ABCA6: variants seen among roughly 807,000 people sequenced by gnomAD.
ABCA6 encodes ATP binding cassette subfamily A member 6.
ABCA6 carries 164 observed loss-of-function variants against 191.2 expected under a neutral mutation model. That is an observed-to-expected ratio of 0.86 (90% CI 0.76 to 0.98). The LOEUF is 0.98. ABCA6 is among the 50% of genes least tolerant of loss of function. The probability of loss-of-function intolerance (pLI) is 0.00; values close to 1 mark genes in which losing one functional copy is unlikely to be tolerated. For missense variants in ABCA6, 1,958 were observed against 1,894.1 expected, an observed-to-expected ratio of 1.03 and a Z score of -0.63; for synonymous variants, 636 against 647.7, an observed-to-expected ratio of 0.98 and a Z score of 0.27.
chr17:69,139,337 CA>C (rs965494254), intron 2 of ABCA6, among the ~76,000 whole-genome samples: 18 of 152,078 alleles, frequency 1.2e-4, no homozygotes, highest in Admixed American at 6.5e-5. Context: ...CCAAAAGACA[CA>C]TGAAAAAATG....
intron 1 of ABCA6, 85 bp from the exon 2 acceptor site, chr17:69,140,833 A>C: frequency 2.2e-6 from 1 of 447,832 alleles, no homozygotes; most frequent in Middle Eastern, 5.8e-4. Context: ...GTAAACATGA[A>C]TTTAAAATAT....
intron 34 of ABCA6, 146 bp from the exon 35 acceptor site, chr17:69,083,477 A>G (rs770149576): frequency 2.8e-6 from 2 of 720,588 alleles, no homozygotes; most frequent in Non-Finnish European, 4.0e-6. Flanking sequence ...GATAACATAA[A>G]TAACATTTTT....
chr17:69,115,628 T>A, intron 11 of ABCA6, 142 bp from the exon 12 acceptor site: 3 of 505,624 alleles, frequency 5.9e-6, no homozygotes, highest in Non-Finnish European at 1.0e-5. Flanking sequence ...TACACAATGA[T>A]CAATATTTTC....
chr17:69,092,801 T>C (rs2886048), intron 25 of ABCA6, among the ~76,000 whole-genome samples: 120,158 of 152,180 alleles, frequency 0.79, 50,783 homozygotes, highest in Non-Finnish European at 0.94. Flanking sequence ...CATATGATCC[T>C]GTGAGGAGTA....
Position 69,112,272 on chromosome 17 carries a change from A to T in ABCA6, c.2043T>A (p.Asp681Glu), listed in dbSNP as rs1190128757. ...QSMDEADILADRKVIMSNGRL... is the reference protein window; with the variant it reads ...QSMDEADILAERKVIMSNGRL... ...TCCCATTGGACATGATCACTTTTCT[A>T]TCTGAATGAAAGAAATCAAGGGAGA... is the stretch of plus-strand genomic sequence containing the variant. Residue 681 changes from aspartate to glutamate, a missense_variant and splice_region_variant, in exon 16 of 39, where the codon GAT (aspartate) becomes GAA (glutamate). Asp to Glu is a conservative substitution (Grantham distance 45). Coordinates refer to ENST00000284425, the MANE Select transcript of ABCA6 (RefSeq NM_080284.3). 6.2e-6 allele frequency: 10 copies of T among 1,607,458 alleles called. No homozygotes were observed. The highest frequency in any genetic ancestry group is 7.7e-6 in the Non-Finnish European group (9 of 1,174,874).
chr17:69,092,229 C>T (rs567270665), intron 25 of ABCA6, among the ~76,000 whole-genome samples: 3 of 152,232 alleles, frequency 2.0e-5, no homozygotes, highest in East Asian at 1.9e-4. Context: ...TATTAATGTA[C>T]TGATTATAAT....
Position 69,124,881 on chromosome 17 carries a change from T to A in ABCA6, c.1267+7A>T. On this transcript the variant is annotated splice_region_variant and intron_variant, in intron 9 of 38. Coordinates refer to ENST00000284425, the MANE Select transcript of ABCA6 (RefSeq NM_080284.3). Reference sequence around the variant, plus strand: ...TAGAGGACAGAGAAAAACTCACTATTACTTACAGGGTAAAATTTTGTCAAA... The same window carrying A: ...TAGAGGACAGAGAAAAACTCACTATAACTTACAGGGTAAAATTTTGTCAAA... 1.9e-6 allele frequency: 3 copies of A among 1,540,988 alleles called. No homozygotes were observed. The highest frequency in any genetic ancestry group is 2.6e-6 in the Non-Finnish European group (3 of 1,140,436).
intron 28 of ABCA6, 108 bp from the exon 29 acceptor site, chr17:69,087,581 GTGA>G: frequency 7.4e-7 from 1 of 1,358,154 alleles, no homozygotes; most frequent in Non-Finnish European, 1.0e-6. Context: ...TAATGTGCAG[GTGA>G]TGATGTGATG....
intron 6 of ABCA6, among the ~76,000 whole-genome samples, chr17:69,130,360 C>T (rs1420943706): frequency 6.6e-6 from 1 of 151,594 alleles, no homozygotes; most frequent in African/African-American, 2.4e-5. Context: ...TGACTGTAAG[C>T]ACAGCTGGGC....
chr17:69,110,942 T>C lies in ABCA6; in HGVS notation c.2133-2A>G, dbSNP rs773957149. ...TTACATATTTCATTCCTATGTAAACTAATATTTAAAAGAAAAGATAAGTCA... is the reference window on the plus strand; with the variant it reads ...TTACATATTTCATTCCTATGTAAACCAATATTTAAAAGAAAAGATAAGTCA... On this transcript the variant is annotated splice_acceptor_variant, in intron 16 of 38. Transcript: ENST00000284425. LOFTEE classifies it high-confidence loss of function. The C allele has an allele frequency of 1.0e-5, 16 of 1,583,018 alleles. No individual in the cohort carries two copies. The highest frequency in any genetic ancestry group is 1.0e-5 in the Non-Finnish European group (12 of 1,168,900).
At chr17:69,135,455 C>T (rs2073933337) in intron 4 of ABCA6, 1 of 152,536 alleles carries the variant, frequency 6.6e-6, no homozygotes, top group Non-Finnish European at 1.5e-5. Context: ...GACTCAGTGG[C>T]TATTCCTTGC....
Position 69,106,008 on chromosome 17 carries a change from C to T in ABCA6, c.2573+20G>A. The T allele has an allele frequency of 1.3e-5, 20 of 1,569,748 alleles. No homozygotes were observed. The highest frequency in any genetic ancestry group is 1.7e-5 in the Non-Finnish European group (20 of 1,159,454). On this transcript the variant is annotated intron_variant, in intron 19 of 38. Coordinates refer to ENST00000284425, the MANE Select transcript of ABCA6 (RefSeq NM_080284.3). ...TTTGAAATTCATGATCTAACAAAACCACAGTACTCTCCTACTCACAGGGTC... is the reference window on the plus strand; with the variant it reads ...TTTGAAATTCATGATCTAACAAAACTACAGTACTCTCCTACTCACAGGGTC...
At chr17:69,082,727 T>C in intron 36 of ABCA6, 146 bp downstream of exon 36, 6 of 1,254,394 alleles carry the variant, frequency 4.8e-6, no homozygotes, top group Non-Finnish European at 6.6e-6. Flanking sequence ...CAATCTCTTA[T>C]AATCTGGAAT....
chr17:69,108,715 T>C (rs2073356870), intron 17 of ABCA6: 4 of 152,246 alleles, frequency 2.6e-5, no homozygotes, highest in East Asian at 3.9e-4. Flanking sequence ...AATGACATTA[T>C]TGAGAGGAAA....
rs1241694762 is a variant in ABCA6 at position 69,089,539 on chromosome 17, C to G, written c.3532G>C (p.Asp1178His). 6.2e-7 allele frequency: 1 copy of G among 1,612,598 alleles called. No homozygotes were observed. Among genetic ancestry groups the G allele is most frequent in the Non-Finnish European group, 8.5e-7 (1 of 1,179,580 alleles). ...GGAAATTCTCTGTAGTGCTCCTGGT[C>G]TCTCTGAAAAGACAAAACAAAACAC... ...LGFKTFLEVRDQEHYREFPEA... is the reference protein window; with the variant it reads ...LGFKTFLEVRHQEHYREFPEA... The change falls in exon 27 of 39, where the codon GAC becomes CAC. Residue 1178 changes from aspartate (D) to histidine (H), a missense_variant. Transcript: ENST00000284425.
chr17:69,109,766 G>A (rs1432698176), intron 17 of ABCA6: 1 of 152,064 alleles, frequency 6.6e-6, no homozygotes, highest in East Asian at 1.9e-4. Flanking sequence ...AGCCCTCTGG[G>A]ATATCAGAGC....
In ABCA6 at chr17:69,106,205, T is replaced by G; in HGVS notation, c.2396A>C (p.Glu799Ala). 1.9e-6 allele frequency: 3 copies of G among 1,611,058 alleles called. No individual in the cohort carries two copies. The highest frequency in any genetic ancestry group is 2.5e-6 in the Non-Finnish European group (3 of 1,178,908). ...EGQSTIEQDF[E>A]QVEMIRDSES... ...TGAGTCTCTTATCATCTCCACTTGT[T>G]CGAAATCTATAAACACACACATACA... The change falls in exon 19 of 39, where the codon GAA becomes GCA. Residue 799 changes from glutamate to alanine, a missense_variant. Physicochemically the swap from Glu to Ala is moderately radical, Grantham distance 107. Coordinates refer to ENST00000284425, the MANE Select transcript of ABCA6 (RefSeq NM_080284.3).
intron 25 of ABCA6, chr17:69,094,285 G>A (rs2144630913): frequency 6.6e-6 from 1 of 152,174 alleles, no homozygotes; most frequent in East Asian, 1.9e-4. Context: ...ATATACAAGG[G>A]GCATTCATAA....
At chr17:69,080,962 A>G (rs761044168) in intron 37 of ABCA6, 104 bp downstream of exon 37, 9 of 663,768 alleles carry the variant, frequency 1.4e-5, no homozygotes, top group Non-Finnish European at 2.3e-5. Context: ...ATCATGCCCT[A>G]CAGCCCTATT....
Sources: allele counts gnomAD v4.1 joint callset (sites outside exome capture counted in the v4.1 genomes callset), GRCh38; gene constraint gnomAD v4.1.1; transcripts MANE v1.5; gene names NCBI Gene and HGNC (gene_info 2026-07-23, HGNC 2026-07-21).